Variants in PHTF2 observed in about 807,000 individuals in gnomAD.
PHTF2 encodes protein PHTF2.
PHTF2 carries 60 observed loss-of-function variants against 101.2 expected under a neutral mutation model. The ratio of observed to expected loss-of-function variants is 0.59; its 90% CI spans 0.48 to 0.73. The LOEUF is 0.73. Ranked by LOEUF, PHTF2 falls within the 30% of genes least tolerant of loss-of-function variation. The pLI, the probability that PHTF2 is intolerant of heterozygous loss-of-function variation, is 0.00. For missense variants in PHTF2, 747 were observed against 908.7 expected, an observed-to-expected ratio of 0.82 and a Z score of 2.29; for synonymous variants, 311 against 307.3, an observed-to-expected ratio of 1.01 and a Z score of -0.13.
intron 1 of PHTF2, among the ~76,000 whole-genome samples, chr7:77,832,055 A>C (rs921095978): frequency 1.3e-5 from 2 of 152,028 alleles, no homozygotes; most frequent in Non-Finnish European, 2.9e-5. Context: ...TTTTTAGAAA[A>C]ATAGTTATCA....
intron 9 of PHTF2, among the ~76,000 whole-genome samples, chr7:77,915,909 A>C (rs1043559183): frequency 7.2e-5 from 11 of 152,158 alleles, no homozygotes; most frequent in African/African-American, 2.2e-4. Flanking sequence ...AGAAAATAGC[A>C]TTAACTCTGG....
chr7:77,946,768 A>C (rs976232793), intron 16 of PHTF2, among the ~76,000 whole-genome samples: 1 of 152,194 alleles, frequency 6.6e-6, no homozygotes, highest in Non-Finnish European at 1.5e-5. Flanking sequence ...CTAAAGCTAG[A>C]TTTGGCCAGT....
chr7:77,828,887 C>T (rs1029916384), intron 1 of PHTF2, among the ~76,000 whole-genome samples: 20 of 151,882 alleles, frequency 1.3e-4, no homozygotes, highest in Admixed American at 1.3e-3. Context: ...AAAATTATAA[C>T]TCTAGGCTGG....
At chr7:77,847,806 A>G (rs1385652124) in intron 2 of PHTF2, among the ~76,000 whole-genome samples, 1 of 152,252 alleles carries the variant, frequency 6.6e-6, no homozygotes, top group East Asian at 1.9e-4. Context: ...GATCTTATTC[A>G]TTCTATCTAA....
intron 18 of PHTF2, among the ~76,000 whole-genome samples, chr7:77,953,183 T>A (rs1240097575): frequency 6.6e-6 from 1 of 152,214 alleles, no homozygotes; most frequent in African/African-American, 2.4e-5. Context: ...CATTATTTGC[T>A]TTTTATATGT....
intron 1 of PHTF2, among the ~76,000 whole-genome samples, chr7:77,834,144 G>A (rs1243254570): frequency 6.6e-6 from 1 of 151,680 alleles, no homozygotes; most frequent in African/African-American, 2.4e-5. Context: ...CAGACCTCGT[G>A]TCTGCTAAAA....
chr7:77,841,150 G>A (rs1795850227), intron 2 of PHTF2, among the ~76,000 whole-genome samples: 1 of 137,402 alleles, frequency 7.3e-6, no homozygotes, highest in Non-Finnish European at 1.5e-5. Flanking sequence ...CGCGATCTCG[G>A]CTCACTGCAA....
At position 77,812,663 on chromosome 7, in the gene PHTF2, C is replaced by T. The variant is rs568439120; in HGVS notation, c.-36+13692C>T. Among the ~76,000 whole-genome samples, 60 of 151,664 alleles carry T rather than the reference C, an allele frequency of 4.0e-4. No homozygotes were observed. In the East Asian group the frequency reaches 0.011, roughly 27 times the overall value. On this transcript the variant is annotated intron_variant, in intron 1 of 19. Transcript: ENST00000416283. The stretch of plus-strand genomic sequence containing the variant: ...GGAGTGCAGTGGCACAATCTTGGCT[C>T]ACTGCAAGCTCCACCTCCCAGGTTC...
At chr7:77,851,047 A>G (rs957187635) in intron 2 of PHTF2, among the ~76,000 whole-genome samples, 1 of 152,162 alleles carries the variant, frequency 6.6e-6, no homozygotes, top group Non-Finnish European at 1.5e-5. Flanking sequence ...TGTCTTTATC[A>G]GGGATACTGG....
exon 20 of PHTF2, chr7:77,957,052 T>C (rs963891154): frequency 1.3e-5 from 2 of 152,204 alleles, no homozygotes; most frequent in Non-Finnish European, 2.9e-5. Context: ...TTGCTGCCTT[T>C]AAGAATACCA....
chr7:77,887,661 AT>A (rs921732803), intron 3 of PHTF2, among the ~76,000 whole-genome samples: 4 of 152,356 alleles, frequency 2.6e-5, no homozygotes, highest in Admixed American at 6.5e-5. Flanking sequence ...AGAAGGAGTT[AT>A]TCTAAGGCAT....
chr7:77,915,225 T>G (rs1483808240), intron 9 of PHTF2, among the ~76,000 whole-genome samples: 1 of 150,540 alleles, frequency 6.6e-6, no homozygotes, highest in Non-Finnish European at 1.5e-5. Flanking sequence ...ATTTTTTATT[T>G]TTTATTGTTT....
chr7:77,952,924 T>C (rs1228493002), intron 18 of PHTF2, among the ~76,000 whole-genome samples: 1 of 152,180 alleles, frequency 6.6e-6, no homozygotes, highest in Non-Finnish European at 1.5e-5. Flanking sequence ...TACGGCCCTA[T>C]GTGAGATCCT....
At chr7:77,878,972 C>T (rs1021326615) in intron 3 of PHTF2, among the ~76,000 whole-genome samples, 1 of 152,040 alleles carries the variant, frequency 6.6e-6, no homozygotes, top group African/African-American at 2.4e-5. Flanking sequence ...TTCACCTGGC[C>T]GAATGGCCTT....
intron 1 of PHTF2, among the ~76,000 whole-genome samples, chr7:77,809,487 G>A (rs989625397): frequency 1.3e-5 from 2 of 151,958 alleles, no homozygotes; most frequent in East Asian, 1.9e-4. Flanking sequence ...TCAGCCTCCC[G>A]AAGTGCTGGG....
intron 3 of PHTF2, among the ~76,000 whole-genome samples, chr7:77,859,557 C>T (rs964807480): frequency 7.8e-4 from 110 of 140,228 alleles, no homozygotes; most frequent in Middle Eastern, 7.6e-3. Flanking sequence ...TCTTTTCTTT[C>T]TTTCTTCTTT....
rs569206570 is a variant in PHTF2, at chr7:77,836,812, C to T, written c.-35-3409C>T. Among the ~76,000 whole-genome samples the T allele has an allele frequency of 1.7e-3, 251 of 144,272 alleles. 1 individual carries two copies. Among genetic ancestry groups the T allele is most frequent in the African/African-American group, 6.0e-3 (230 of 38,560 alleles). The allele number at this position is 144,272 out of a possible 152,430, so 94.6% of individuals were successfully genotyped here. A position where few individuals can be genotyped will look rare whatever the true frequency, so the allele number is the denominator to read the frequency against. On this transcript the variant is annotated intron_variant, in intron 1 of 19. Coordinates refer to ENST00000416283, the Ensembl canonical transcript of PHTF2. The stretch of plus-strand genomic sequence containing the variant: ...GGAGGGAAACATCATACACCAGGGC[C>T]GGTCGGGGTGGGGGGCTTGGGGAAG...
intron 9 of PHTF2, among the ~76,000 whole-genome samples, chr7:77,913,878 T>G (rs569054823): frequency 3.3e-5 from 5 of 152,196 alleles, no homozygotes; most frequent in East Asian, 1.9e-4. Flanking sequence ...TCTGATTATC[T>G]GTCTCTAAAT....
intron 1 of PHTF2, among the ~76,000 whole-genome samples, chr7:77,812,881 A>ACG (rs2150492829): frequency 6.6e-6 from 1 of 151,946 alleles, no homozygotes; most frequent in Non-Finnish European, 1.5e-5. Flanking sequence ...GAGCCACAGC[A>ACG]CCCAGCCAAT....
Sources: allele counts gnomAD v4.1 joint callset (sites outside exome capture counted in the v4.1 genomes callset), GRCh38; gene constraint gnomAD v4.1.1; transcripts MANE v1.5; gene names NCBI Gene and HGNC (gene_info 2026-07-23, HGNC 2026-07-21).